AFG2A: variants seen among roughly 807,000 people sequenced by gnomAD.
AFG2A encodes AAA ATPase AFG2A, also known as ATPase family gene 2 protein homolog A.
At chr4:122,998,840 T>C in the AFG2A span, among the ~76,000 whole-genome samples, 17 of 152,296 alleles carry the variant, frequency 1.1e-4, no homozygotes, top group South Asian at 2.1e-4. Flanking sequence ...AATGGGATGG[T>C]TGGGTCAAAT....
At chr4:123,228,227 T>C in the AFG2A span, among the ~76,000 whole-genome samples, 6 of 152,070 alleles carry the variant, frequency 3.9e-5, no homozygotes, top group African/African-American at 1.4e-4. Context: ...ACATTTAAGG[T>C]TAATATTGTT....
the AFG2A span, among the ~76,000 whole-genome samples, chr4:123,103,222 G>A: frequency 3.3e-5 from 5 of 152,068 alleles, no homozygotes; most frequent in Admixed American, 1.3e-4. Context: ...AAGCAAGAGA[G>A]TGTGTCCTCT....
chr4:123,143,075 T>C, the AFG2A span, among the ~76,000 whole-genome samples: 1 of 151,924 alleles, frequency 6.6e-6, no homozygotes, highest in African/African-American at 2.4e-5. Context: ...CCAGTAAGTA[T>C]GTATAATGCA....
the AFG2A span, among the ~76,000 whole-genome samples, chr4:123,176,211 T>A: frequency 1.3e-5 from 2 of 152,192 alleles, no homozygotes; most frequent in African/African-American, 4.8e-5. Flanking sequence ...TCATATTTTG[T>A]CCATACCTGA....
chr4:123,082,504 G>GTC, the AFG2A span, among the ~76,000 whole-genome samples: 1 of 142,392 alleles, frequency 7.0e-6, no homozygotes, highest in Non-Finnish European at 1.5e-5. Flanking sequence ...GTGTGTCTCT[G>GTC]TCTCTCTCTC....
At chr4:123,034,072 AT>A in the AFG2A span, among the ~76,000 whole-genome samples, 7 of 151,486 alleles carry the variant, frequency 4.6e-5, no homozygotes, top group African/African-American at 1.7e-4. Flanking sequence ...TGAACAACAC[AT>A]TTTTTTAATA....
the AFG2A span, among the ~76,000 whole-genome samples, chr4:123,006,996 G>A: frequency 2.9e-4 from 44 of 150,266 alleles, no homozygotes; most frequent in South Asian, 6.6e-3. Flanking sequence ...GGGCTAGAGC[G>A]GAGTTTTGCA....
chr4:122,978,240 C>T, the AFG2A span, among the ~76,000 whole-genome samples: 4 of 151,944 alleles, frequency 2.6e-5, no homozygotes, highest in Admixed American at 2.6e-4. Flanking sequence ...TTTCTGCAGG[C>T]AGGTTGCCCC....
At chr4:123,007,629 T>TATATAC in the AFG2A span, among the ~76,000 whole-genome samples, 134 of 99,116 alleles carry the variant, frequency 1.4e-3, no homozygotes, top group African/African-American at 6.3e-3. Context: ...TATATATATA[T>TATATAC]ACACACACAC....
At chr4:123,021,730 G>A in the AFG2A span, among the ~76,000 whole-genome samples, 1 of 152,168 alleles carries the variant, frequency 6.6e-6, no homozygotes, top group Non-Finnish European at 1.5e-5. Flanking sequence ...AATGCCAGTA[G>A]TACAAAGTCT....
chr4:123,117,082 GA>G, the AFG2A span, among the ~76,000 whole-genome samples: 1 of 152,136 alleles, frequency 6.6e-6, no homozygotes, highest in South Asian at 2.1e-4. Flanking sequence ...TAACACATCT[GA>G]AAAGTAAGGT....
At chr4:123,095,085 A>G in the AFG2A span, among the ~76,000 whole-genome samples, 14,523 of 49,738 alleles carry the variant, frequency 0.29, 915 homozygotes, top group Non-Finnish European at 0.37. Context: ...GTGTGTGTAT[A>G]TATATATATA....
chr4:123,308,860 A>G, the AFG2A span, among the ~76,000 whole-genome samples: 14 of 152,212 alleles, frequency 9.2e-5, no homozygotes, highest in African/African-American at 2.9e-4. Context: ...GAGCACAAGT[A>G]AGTGCTTTGG....
chr4:123,276,467 C>A, the AFG2A span, among the ~76,000 whole-genome samples: 2 of 152,118 alleles, frequency 1.3e-5, no homozygotes, highest in African/African-American at 4.8e-5. Context: ...CTTTGATATG[C>A]AAAAGCTCTT....
the AFG2A span, among the ~76,000 whole-genome samples, chr4:123,202,787 A>G: frequency 6.6e-6 from 1 of 152,146 alleles, no homozygotes; most frequent in Non-Finnish European, 1.5e-5. Context: ...ACTCCTTTAT[A>G]GTTGGATTCT....
At chr4:123,215,818 T>G in the AFG2A span, among the ~76,000 whole-genome samples, 4 of 152,138 alleles carry the variant, frequency 2.6e-5, no homozygotes, top group Admixed American at 6.6e-5. Context: ...GAAAAGGACA[T>G]TCTAATGTCA....
chr4:123,303,939 A>G, the AFG2A span, among the ~76,000 whole-genome samples: 2 of 150,782 alleles, frequency 1.3e-5, no homozygotes, highest in African/African-American at 4.9e-5. Flanking sequence ...AATTATCATG[A>G]AGCCTATTTT....
the AFG2A span, chr4:123,255,946 C>T: frequency 1.1e-5 from 17 of 1,566,822 alleles, no homozygotes; most frequent in South Asian, 1.7e-4. Flanking sequence ...GACATCTTTC[C>T]CTAGGTATCT....
At chr4:122,990,265 T>G in the AFG2A span, among the ~76,000 whole-genome samples, 1 of 152,232 alleles carries the variant, frequency 6.6e-6, no homozygotes, top group Non-Finnish European at 1.5e-5. Context: ...TTGTTCAAGC[T>G]GATATTTCTG....
Sources: allele counts gnomAD v4.1 joint callset (sites outside exome capture counted in the v4.1 genomes callset), GRCh38; gene constraint gnomAD v4.1.1; transcripts MANE v1.5; gene names NCBI Gene and HGNC (gene_info 2026-07-23, HGNC 2026-07-21).